ROBO2: variants seen among roughly 807,000 people sequenced by gnomAD.
The protein encoded by ROBO2 is roundabout guidance receptor 2.
In ROBO2, 53 loss-of-function variants were observed where a neutral mutation model predicts 160.8. That is an observed-to-expected ratio of 0.33 (90% CI 0.26 to 0.41). The LOEUF (loss-of-function observed/expected upper bound fraction) is 0.41. Ranked by LOEUF, ROBO2 falls within the 10% of genes least tolerant of loss-of-function variation. The pLI is 1.00. For synonymous variants in ROBO2, 664 were observed against 611.7 expected (o/e 1.09, Z -1.26); for missense variants, 1,577 against 1,722.4 (o/e 0.92, Z 1.49).
intron 2 of ROBO2, among the ~76,000 whole-genome samples, chr3:76,787,685 C>T (rs1362584550): frequency 2.0e-5 from 3 of 151,408 alleles, no homozygotes; most frequent in African/African-American, 7.3e-5. Flanking sequence ...GTTGTTAGCT[C>T]ATCTACCAGC....
chr3:77,265,370 T>A (rs559954103), intron 2 of ROBO2, among the ~76,000 whole-genome samples: 43 of 152,300 alleles, frequency 2.8e-4, no homozygotes, highest in East Asian at 1.5e-3. Flanking sequence ...AAGATTGATC[T>A]TGTGGGGAAA....
chr3:76,019,892 T>G (rs544278101), intron 2 of ROBO2, among the ~76,000 whole-genome samples: 9 of 151,966 alleles, frequency 5.9e-5, no homozygotes, highest in Non-Finnish European at 1.2e-4. Context: ...CCCCACATGG[T>G]TAGGTTTCCT....
intron 2 of ROBO2, among the ~76,000 whole-genome samples, chr3:77,218,376 C>CTTT (rs199847608): frequency 7.1e-6 from 1 of 140,266 alleles, no homozygotes; most frequent in East Asian, 2.1e-4. Context: ...TGAAATTATA[C>CTTT]TTTTTTTTTT....
Sources: gnomAD v4.1 joint callset for allele counts (sites outside exome capture counted in the v4.1 genomes callset) on GRCh38, gnomAD v4.1.1 for gene constraint, MANE v1.5 for transcripts, NCBI Gene and HGNC (gene_info 2026-07-23, HGNC 2026-07-21) for gene names.